ALG14: variants seen among roughly 807,000 people sequenced by gnomAD.
ALG14 encodes the protein ALG14 UDP-N-acetylglucosaminyltransferase subunit, also known as UDP-N-acetylglucosamine transferase subunit ALG14.
Under a neutral mutation model 22.8 loss-of-function variants are expected in ALG14, and 17 were observed. The ratio of observed to expected loss-of-function variants is 0.75; its 90% CI spans 0.51 to 1.12. ALG14 has a LOEUF of 1.12. Among genes scored for constraint, ALG14 ranks in the 50% most tolerant of loss-of-function variants. The pLI is 0.00. For synonymous variants in ALG14, 89 were observed against 103.7 expected (o/e 0.86, Z 0.86); for missense variants, 288 against 271.8 (o/e 1.06, Z -0.42).
At chr1:95,008,540 T>C (rs896529596) in intron 3 of ALG14, among the ~76,000 whole-genome samples, 4 of 152,170 alleles carry the variant, frequency 2.6e-5, no homozygotes, top group African/African-American at 9.7e-5. Context: ...TAATACTATT[T>C]AGAAAAATAG....
rs375599378 is a variant in ALG14, at chr1:95,072,564, T to TA, written c.136+198dup. 2.4e-4 allele frequency among the ~76,000 whole-genome samples: 37 copies of TA among 152,036 alleles called. No individual in the cohort carries two copies. In the South Asian group the frequency reaches 4.6e-3, roughly 19 times the overall value. ...ATAGACAAGTGTAAATTACTTGTCATAAAAAAAACCTCTGGGCCGCGTCAG... is the reference window on the plus strand; with the variant it reads ...ATAGACAAGTGTAAATTACTTGTCATAAAAAAAAACCTCTGGGCCGCGTCAG... On this transcript the variant is annotated intron_variant, in intron 1 of 3. Coordinates refer to ENST00000370205, the MANE Select transcript of ALG14 (RefSeq NM_144988.4).
chr1:94,983,352 C>A (rs1388033955), intron 3 of ALG14, 46 bp from the exon 4 acceptor site: 1 of 1,512,686 alleles, frequency 6.6e-7, no homozygotes, highest in South Asian at 1.2e-5. Context: ...GAATAATAAT[C>A]TAAGGGAGGC....
intron 1 of ALG14, among the ~76,000 whole-genome samples, chr1:95,068,193 A>G (rs1355761393): frequency 6.6e-6 from 1 of 152,226 alleles, no homozygotes; most frequent in Non-Finnish European, 1.5e-5. Flanking sequence ...CTATTGAATG[A>G]AAGAATGAAT....
At chr1:95,033,420 T>TATACACACAC (rs1553229109) in intron 2 of ALG14, among the ~76,000 whole-genome samples, 7 of 139,666 alleles carry the variant, frequency 5.0e-5, no homozygotes, top group African/African-American at 1.9e-4. Flanking sequence ...TATATATATA[T>TATACACACAC]ACACACACAC....
chr1:95,072,613 G>C, intron 1 of ALG14, 150 bp downstream of exon 1: 1 of 1,178,956 alleles, frequency 8.5e-7, no homozygotes, highest in Non-Finnish European at 1.2e-6. Context: ...ACCCTGGCTG[G>C]ACTGCCCGGT....
At chr1:95,061,125 C>T (rs1175697949) in intron 2 of ALG14, among the ~76,000 whole-genome samples, 2 of 152,188 alleles carry the variant, frequency 1.3e-5, no homozygotes, top group Non-Finnish European at 2.9e-5. Flanking sequence ...TCTTCAGAAC[C>T]TCCGGAGGGA....
At chr1:95,039,354 A>G (rs973397866) in intron 2 of ALG14, among the ~76,000 whole-genome samples, 2 of 152,274 alleles carry the variant, frequency 1.3e-5, no homozygotes, top group South Asian at 2.1e-4. Context: ...GAGAAGGGCA[A>G]TCATTGGGGA....
intron 3 of ALG14, among the ~76,000 whole-genome samples, chr1:95,010,851 A>G (rs1673342646): frequency 6.6e-6 from 1 of 152,238 alleles, no homozygotes. Flanking sequence ...AAAAGCCAGA[A>G]TATCATTCCA....
At chr1:95,011,410 A>G (rs549625490) in intron 3 of ALG14, among the ~76,000 whole-genome samples, 81 of 151,944 alleles carry the variant, frequency 5.3e-4, no homozygotes, top group Admixed American at 1.0e-3. Flanking sequence ...CAGGACTGTG[A>G]GAAATAAATT....
intron 2 of ALG14, among the ~76,000 whole-genome samples, chr1:95,059,891 A>T (rs1224380329): frequency 6.6e-6 from 1 of 152,004 alleles, no homozygotes; most frequent in African/African-American, 2.4e-5. Context: ...TGTTAATTAT[A>T]CTTGGCTAAT....
chr1:95,010,940 A>C (rs1158910772), intron 3 of ALG14, among the ~76,000 whole-genome samples: 1 of 152,232 alleles, frequency 6.6e-6, no homozygotes, highest in Non-Finnish European at 1.5e-5. Context: ...GAACAACCAA[A>C]GTTCTTCATT....
intron 3 of ALG14, among the ~76,000 whole-genome samples, chr1:95,013,693 C>A (rs1016281343): frequency 6.6e-6 from 1 of 152,072 alleles, no homozygotes; most frequent in African/African-American, 2.4e-5. Context: ...ACAACTAAAA[C>A]AAACAACACC....
Position 94,981,475 on chromosome 1 carries a change from A to C in ALG14, c.*1601T>G, listed in dbSNP as rs1376486620. 1 of 150,426 alleles carries C rather than the reference A, an allele frequency of 6.6e-6. No homozygotes were observed. Among genetic ancestry groups the C allele is most frequent in the Non-Finnish European group, 1.5e-5 (1 of 67,642 alleles). 9.3% of individuals were successfully genotyped at this position (150,426 alleles called of 1,614,324 possible). On this transcript the variant is annotated 3_prime_UTR_variant, in exon 4 of 4. Transcript: ENST00000370205. ...TTTTTTGCTTTTTTTTTTTAAAAAA[A>C]AAAAAAAGAAAAAAGGCTGGATCAG...
intron 3 of ALG14, among the ~76,000 whole-genome samples, chr1:95,023,274 C>T (rs1673717640): frequency 1.3e-5 from 2 of 152,154 alleles, no homozygotes; most frequent in African/African-American, 4.8e-5. Flanking sequence ...CAGGCACCCA[C>T]CATCATGCTT....
chr1:95,014,228 T>C (rs910736049), intron 3 of ALG14, among the ~76,000 whole-genome samples: 4 of 152,196 alleles, frequency 2.6e-5, no homozygotes, highest in African/African-American at 9.7e-5. Flanking sequence ...AAAGGGCTAT[T>C]TGTTCTGGGC....
At chr1:94,987,646 A>C (rs1052438769) in intron 3 of ALG14, among the ~76,000 whole-genome samples, 9 of 152,186 alleles carry the variant, frequency 5.9e-5, no homozygotes, top group African/African-American at 2.2e-4. Flanking sequence ...GCATGTATGA[A>C]AAGACATATT....
chr1:94,987,284 C>G (rs1232876447), intron 3 of ALG14, among the ~76,000 whole-genome samples: 1 of 151,992 alleles, frequency 6.6e-6, no homozygotes. Context: ...TCATTTGAAT[C>G]AGGATTTCTG....
chr1:95,071,351 C>T (rs1252628575), intron 1 of ALG14, among the ~76,000 whole-genome samples: 1 of 151,994 alleles, frequency 6.6e-6, no homozygotes, highest in Non-Finnish European at 1.5e-5. Context: ...TCAAGACCAG[C>T]CTTGGTCAAC....
chr1:95,056,181 A>G (rs1394546933), intron 2 of ALG14, among the ~76,000 whole-genome samples: 2 of 152,180 alleles, frequency 1.3e-5, no homozygotes, highest in Admixed American at 1.3e-4. Flanking sequence ...GAGCTAAGAT[A>G]CAGACCTATA....
Sources: gnomAD v4.1 joint callset for allele counts (sites outside exome capture counted in the v4.1 genomes callset) on GRCh38, gnomAD v4.1.1 for gene constraint, MANE v1.5 for transcripts, NCBI Gene and HGNC (gene_info 2026-07-23, HGNC 2026-07-21) for gene names.